ZSCAN25: variants seen among roughly 807,000 people sequenced by gnomAD.
ZSCAN25 encodes the protein zinc finger and SCAN domain containing 25, also known as zinc finger and SCAN domain-containing protein 25.
A neutral mutation model predicts 38.7 loss-of-function variants in ZSCAN25; 27 were observed. The ratio of observed to expected loss-of-function variants is 0.70; its 90% CI spans 0.51 to 0.96. ZSCAN25 has a LOEUF of 0.96. Among genes scored for constraint, ZSCAN25 ranks in the 40% least tolerant of loss-of-function variants. ZSCAN25 has a pLI of 0.00. For missense variants in ZSCAN25, 637 were observed against 705.9 expected (o/e 0.90, Z 1.11); for synonymous variants, 273 against 277.7 (o/e 0.98, Z 0.17).
At chr7:99,737,377 C>G in the ZSCAN25 span, among the ~76,000 whole-genome samples, 1 of 152,252 alleles carries the variant, frequency 6.6e-6, no homozygotes, top group East Asian at 1.9e-4. Context: ...GTTCCTGTCT[C>G]AAGGGTTACT....
At chr7:99,619,529 C>T in intron 3 of ZSCAN25, 32 bp from the exon 4 acceptor site, 2 of 1,483,634 alleles carry the variant, frequency 1.3e-6, no homozygotes, top group Non-Finnish European at 1.8e-6. Flanking sequence ...CTGGGATGGG[C>T]TGACCTTTCA....
At chr7:99,708,277 A>G in the ZSCAN25 span, among the ~76,000 whole-genome samples, 1 of 152,200 alleles carries the variant, frequency 6.6e-6, no homozygotes, top group African/African-American at 2.4e-5. Context: ...TCACACTACA[A>G]AAGGCACATA....
the ZSCAN25 span, among the ~76,000 whole-genome samples, chr7:99,667,823 A>T: frequency 5.9e-5 from 9 of 152,238 alleles, no homozygotes; most frequent in African/African-American, 1.9e-4. Flanking sequence ...TAAAAAAATC[A>T]TTCAGTTAAA....
At chr7:99,729,615 A>G in the ZSCAN25 span, among the ~76,000 whole-genome samples, 1 of 152,208 alleles carries the variant, frequency 6.6e-6, no homozygotes, top group Non-Finnish European at 1.5e-5. Flanking sequence ...TGATTGAGCA[A>G]TCTTACGACA....
chr7:99,621,379 T>C lies in ZSCAN25; in HGVS notation c.394T>C (p.Cys132Arg). ...TGTTGGGAACTGTTCTTAGGTTCCA[T>C]GCCACAGGCAGGGAGAGCAGGAGGA... is the stretch of plus-strand genomic sequence containing the variant. ...ERALEAKAVP[C>R]HRQGEQEETA... The change falls in exon 5 of 8, where the codon TGC becomes CGC. Residue 132 changes from cysteine (C) to arginine (R), a missense_variant. Physicochemically the swap from Cys to Arg is radical, Grantham distance 180. Transcript: ENST00000394152. 7.1e-7 allele frequency: 1 copy of C among 1,411,826 alleles called. No homozygotes were observed. The highest frequency in any genetic ancestry group is 9.4e-7 in the Non-Finnish European group (1 of 1,067,886). 87.5% of individuals were successfully genotyped at this position (1,411,826 alleles called of 1,614,324 possible). A position where few individuals can be genotyped will look rare whatever the true frequency, so the allele number is the denominator to read the frequency against.
chr7:99,707,838 AG>A, the ZSCAN25 span: 1 of 1,613,990 alleles, frequency 6.2e-7, no homozygotes, highest in South Asian at 1.1e-5. Context: ...GGTTTGAAGG[AG>A]AAGTTCTGAA....
At chr7:99,674,626 A>G in the ZSCAN25 span, 4 of 1,564,878 alleles carry the variant, frequency 2.6e-6, no homozygotes, top group Non-Finnish European at 3.5e-6. Context: ...ATTATTTTAA[A>G]TAGAATAAAC....
chr7:99,716,071 T>G, the ZSCAN25 span, among the ~76,000 whole-genome samples: 1 of 152,296 alleles, frequency 6.6e-6, no homozygotes, highest in African/African-American at 2.4e-5. Context: ...AGAAGGTGAT[T>G]ATCAGGTGTC....
In ZSCAN25 at chr7:99,630,910, T is replaced by C. The variant is rs1562972819; in HGVS notation, c.*890T>C. The C allele has an allele frequency of 2.0e-6, 2 of 978,160 alleles. No homozygotes were observed. Among genetic ancestry groups the C allele is most frequent in the African/African-American group, 1.8e-5 (1 of 57,096 alleles). The allele number at this position is 978,160 out of a possible 1,614,324, so 60.6% of individuals were successfully genotyped here. ...TAAAATGAGTCTGAAAGATGAACTC[T>C]AGTATTAATGCCCTATATTTGATGG... On this transcript the variant is annotated 3_prime_UTR_variant, in exon 8 of 8. Coordinates refer to ENST00000394152, the MANE Select transcript of ZSCAN25 (RefSeq NM_145115.3).
chr7:99,627,863 G>A (rs760933370), intron 7 of ZSCAN25, among the ~76,000 whole-genome samples: 14 of 151,782 alleles, frequency 9.2e-5, no homozygotes, highest in Non-Finnish European at 1.9e-4. Flanking sequence ...ATATATGCAG[G>A]GTATAGTGAT....
chr7:99,681,646 G>C, the ZSCAN25 span, among the ~76,000 whole-genome samples: 2 of 152,116 alleles, frequency 1.3e-5, no homozygotes, highest in Non-Finnish European at 2.9e-5. Flanking sequence ...CCCATTTTTT[G>C]ATTGGATTAT....
chr7:99,735,244 G>T, the ZSCAN25 span: 55 of 1,090,480 alleles, frequency 5.0e-5, no homozygotes, highest in East Asian at 4.5e-4. Context: ...AAGGAGGCAG[G>T]GCTGGAGCTG....
chr7:99,684,996 A>T, the ZSCAN25 span: 3 of 605,752 alleles, frequency 5.0e-6, no homozygotes, highest in South Asian at 5.7e-5. Context: ...AGCTCAGTGC[A>T]TGTACAGAAT....
At position 99,629,748 on chromosome 7, in the gene ZSCAN25, G is replaced by A. The variant is rs140771417; in HGVS notation, c.1363G>A (p.Gly455Arg). ...GCAGGTGCACCGGAGGACGCACACC[G>A]GGGAGAAGCCCTACACCTGCGAGTG... ...HLQVHRRTHT[G>R]EKPYTCECGK... The change falls in exon 8 of 8, where the codon GGG becomes AGG. Residue 455 changes from glycine to arginine, a missense_variant. By Grantham distance (125) the Gly-to-Arg change is moderately radical (BLOSUM62 -2). Transcript: ENST00000394152. This position sits in a 1 kb window ranked among gnomAD's most constrained non-coding sequence, Gnocchi z 5.6. 21 of 1,614,062 alleles carry A rather than the reference G, an allele frequency of 1.3e-5. No homozygotes were observed. Among genetic ancestry groups the A allele is most frequent in the East Asian group, 2.2e-5 (1 of 44,900 alleles).
chr7:99,645,225 G>A, the ZSCAN25 span, among the ~76,000 whole-genome samples: 9 of 152,134 alleles, frequency 5.9e-5, no homozygotes, highest in East Asian at 1.9e-4. Flanking sequence ...TCCTGACCTC[G>A]TTATCTGCCC....
At chr7:99,680,216 A>G in the ZSCAN25 span, among the ~76,000 whole-genome samples, 1 of 151,878 alleles carries the variant, frequency 6.6e-6, no homozygotes, top group Non-Finnish European at 1.5e-5. Flanking sequence ...AAATCTATTA[A>G]CCCTCCTCTC....
the ZSCAN25 span, chr7:99,679,882 TG>T: frequency 1.2e-5 from 19 of 1,613,964 alleles, no homozygotes; most frequent in Non-Finnish European, 3.4e-6. Flanking sequence ...CCGCCAAATT[TG>T]GGATGAGGTC....
At chr7:99,705,740 A>G in the ZSCAN25 span, 5 of 991,810 alleles carry the variant, frequency 5.0e-6, 1 homozygote, top group African/African-American at 4.9e-5. Flanking sequence ...TGGATTCGTT[A>G]TACTTACTCT....
At chr7:99,623,482 C>A (rs190972687) in intron 6 of ZSCAN25, among the ~76,000 whole-genome samples, 1 of 152,084 alleles carries the variant, frequency 6.6e-6, no homozygotes, top group Non-Finnish European at 1.5e-5. Context: ...CTCAAGGAGG[C>A]GAGTCTAAAA....
Sources: allele counts gnomAD v4.1 joint callset (sites outside exome capture counted in the v4.1 genomes callset), GRCh38; gene constraint gnomAD v4.1.1; non-coding constraint Gnocchi (gnomAD v3.1); transcripts MANE v1.5; gene names NCBI Gene and HGNC (gene_info 2026-07-23, HGNC 2026-07-21).